Variants in ACSF3 observed in about 807,000 individuals in gnomAD.
The protein encoded by ACSF3 is acyl-CoA synthetase family member 3, also known as malonate--CoA ligase ACSF3, mitochondrial.
A neutral mutation model predicts 53.2 loss-of-function variants in ACSF3; 78 were observed. The ratio of observed to expected loss-of-function variants is 1.47; its 90% CI spans 1.22 to 1.77. The LOEUF (loss-of-function observed/expected upper bound fraction) is 1.77. ACSF3 is among the 40% of genes most tolerant of loss of function. The pLI, the probability that ACSF3 is intolerant of heterozygous loss-of-function variation, is 0.00. For synonymous variants in ACSF3, 414 were observed against 333.1 expected (o/e 1.24, Z -2.65); for missense variants, 937 against 771.1 (o/e 1.22, Z -2.55).
chr16:89,142,182 A>G (rs1358269751), intron 8 of ACSF3, among the ~76,000 whole-genome samples: 1 of 151,976 alleles, frequency 6.6e-6, no homozygotes, highest in Non-Finnish European at 1.5e-5. Context: ...AGGCAGGGCT[A>G]TCACTGAGAA....
chr16:89,151,540 C>G (rs1597273687), intron 10 of ACSF3: 1 of 253,384 alleles, frequency 3.9e-6, no homozygotes, highest in East Asian at 1.1e-4. Context: ...ACGTCATGAT[C>G]AAGCAGCATT....
intron 4 of ACSF3, among the ~76,000 whole-genome samples, chr16:89,109,163 CG>C (rs1466602134): frequency 1.4e-5 from 2 of 140,614 alleles, no homozygotes; most frequent in Non-Finnish European, 3.0e-5. Flanking sequence ...ACCCAGGGGG[CG>C]GCGATTGCAG....
chr16:89,097,356 T>C (rs1241961906), intron 1 of ACSF3, among the ~76,000 whole-genome samples: 2 of 152,264 alleles, frequency 1.3e-5, no homozygotes, highest in Non-Finnish European at 2.9e-5. Flanking sequence ...AGGCACCTTC[T>C]ATATTGAGTG....
At chr16:89,133,682 G>C (rs1306757783) in intron 8 of ACSF3, among the ~76,000 whole-genome samples, 2 of 152,192 alleles carry the variant, frequency 1.3e-5, no homozygotes, top group Non-Finnish European at 2.9e-5. Context: ...CCACCCCCAC[G>C]CTTAGCCACA....
rs1341273774 is a variant in ACSF3, at chr16:89,145,483, A to C, written c.1501+82A>C. ...TTTGAGTTTTAGACGACTGCAGATG[A>C]GTCGACGCCGTCCCAGCTGCCTGCA... On this transcript the variant is annotated intron_variant, in intron 9 of 10. Transcript: ENST00000614302. The C allele has an allele frequency of 2.6e-6, 4 of 1,537,014 alleles. No individual in the cohort carries two copies. In the African/African-American group the frequency reaches 5.4e-5, roughly 21 times the overall value.
intron 10 of ACSF3, among the ~76,000 whole-genome samples, chr16:89,147,190 GTCCACAGA>G (rs1913142806): frequency 1.3e-5 from 1 of 74,552 alleles, no homozygotes; most frequent in African/African-American, 4.4e-5. Flanking sequence ...GGGAGGGAGG[GTCCACAGA>G]GTGAGTGAGA....
At chr16:89,144,230 G>C (rs1912452021) in intron 8 of ACSF3, among the ~76,000 whole-genome samples, 1 of 152,274 alleles carries the variant, frequency 6.6e-6, no homozygotes, top group Non-Finnish European at 1.5e-5. Context: ...TCTGTGTTGA[G>C]CTACTCGAGA....
In ACSF3 at chr16:89,103,646, T is replaced by C. The variant is rs555210589; in HGVS notation, c.822+887T>C. On this transcript the variant is annotated intron_variant, in intron 4 of 10. Transcript: ENST00000614302. ...GGGCGTAGGGCGTGACCCTTTGAGC[T>C]ATGATGTGGCCACTGTGGCAGCCCT... is the stretch of plus-strand genomic sequence containing the variant. Among the ~76,000 whole-genome samples the C allele has an allele frequency of 1.3e-4, 20 of 152,330 alleles. No individual in the cohort carries two copies. In the East Asian group the frequency reaches 3.3e-3, roughly 25 times the overall value.
chr16:89,149,090 A>T (rs1194110747), intron 10 of ACSF3: 16 of 152,184 alleles, frequency 1.1e-4, no homozygotes. Context: ...CATGCTTAAC[A>T]AAAGCAATCT....
At chr16:89,124,068 CA>C (rs1907350329) in intron 7 of ACSF3, among the ~76,000 whole-genome samples, 2 of 3,416 alleles carry the variant, frequency 5.9e-4, no homozygotes, top group African/African-American at 1.2e-3. Flanking sequence ...GAACGGGTAT[CA>C]CACACATGCC....
At chr16:89,123,150 T>C (rs1907072467) in intron 7 of ACSF3, among the ~76,000 whole-genome samples, 2 of 152,108 alleles carry the variant, frequency 1.3e-5, no homozygotes, top group African/African-American at 2.4e-5. Context: ...ACAGCTGCCC[T>C]GCGGGGCCTG....
chr16:89,098,368 A>G (rs1321819778), intron 1 of ACSF3, among the ~76,000 whole-genome samples: 1 of 152,230 alleles, frequency 6.6e-6, no homozygotes, highest in Admixed American at 6.5e-5. Flanking sequence ...GAACATGGGC[A>G]CAGATCCCAC....
intron 7 of ACSF3, among the ~76,000 whole-genome samples, chr16:89,125,046 T>C (rs1435932671): frequency 2.0e-5 from 3 of 152,210 alleles, no homozygotes; most frequent in Non-Finnish European, 4.4e-5. Context: ...ATATTAATTT[T>C]AGAATTAGCT....
At chr16:89,111,978 C>CTCTT in intron 4 of ACSF3, 114 bp from the exon 5 acceptor site, 1 of 1,000,678 alleles carries the variant, frequency 1.0e-6, no homozygotes, top group South Asian at 1.3e-5. Flanking sequence ...AGAAGGGAGG[C>CTCTT]GCTGCAGACT....
chr16:89,135,762 A>G (rs565241086), intron 8 of ACSF3, among the ~76,000 whole-genome samples: 1 of 152,160 alleles, frequency 6.6e-6, no homozygotes, highest in Admixed American at 6.6e-5. Flanking sequence ...CTCACGCTGC[A>G]GTTGTTTTAT....
chr16:89,155,328 A>G lies in ACSF3; in HGVS notation c.*1121A>G, dbSNP rs779711693. The G allele has an allele frequency of 6.6e-6, 3 of 452,894 alleles. No homozygotes were observed. The highest frequency in any genetic ancestry group is 4.0e-5 in the African/African-American group (2 of 49,986). The allele number at this position is 452,894 out of a possible 1,614,324, so 28.1% of individuals were successfully genotyped here. On this transcript the variant is annotated 3_prime_UTR_variant, in exon 11 of 11. Transcript: ENST00000614302. ...GTGGCCAGAAACGAGTGTGCCGGGC[A>G]GGAGGCCAGCCCCATCTCAGGCTCA...
At chr16:89,124,170 CATT>C (rs1907412157) in intron 7 of ACSF3, among the ~76,000 whole-genome samples, 1 of 152,102 alleles carries the variant, frequency 6.6e-6, no homozygotes. Context: ...CACACATACA[CATT>C]GTGTGTGCAC....
chr16:89,144,861 C>A (rs1309491303), intron 8 of ACSF3, among the ~76,000 whole-genome samples: 2 of 152,218 alleles, frequency 1.3e-5, no homozygotes, highest in Non-Finnish European at 2.9e-5. Flanking sequence ...CAATCACTGT[C>A]ACAGAAACAG....
intron 9 of ACSF3, 110 bp from the exon 10 acceptor site, chr16:89,145,828 G>A: frequency 1.0e-6 from 1 of 964,072 alleles, no homozygotes; most frequent in Non-Finnish European, 1.7e-6. Context: ...TCCAAGGACG[G>A]GCTCCAGGGC....
Sources: allele counts gnomAD v4.1 joint callset (sites outside exome capture counted in the v4.1 genomes callset), GRCh38; gene constraint gnomAD v4.1.1; transcripts MANE v1.5; gene names NCBI Gene and HGNC (gene_info 2026-07-23, HGNC 2026-07-21).